KCTD16: variants seen among roughly 807,000 people sequenced by gnomAD.
KCTD16 encodes potassium channel tetramerization domain containing 16.
Under a neutral mutation model 33.2 loss-of-function variants are expected in KCTD16, and 13 were observed. The observed-to-expected ratio is 0.39, with a 90% CI of 0.25 to 0.62. The LOEUF is 0.62. Ranked by LOEUF, KCTD16 falls within the 20% of genes least tolerant of loss-of-function variation. KCTD16 has a pLI of 0.50. For synonymous variants in KCTD16, 197 were observed against 195.3 expected (o/e 1.01, Z -0.07); for missense variants, 441 against 525.1 (o/e 0.84, Z 1.57).
At chr5:144,386,953 G>A (rs1752337034) in intron 3 of KCTD16, among the ~76,000 whole-genome samples, 1 of 151,798 alleles carries the variant, frequency 6.6e-6, no homozygotes, top group Admixed American at 6.6e-5. Flanking sequence ...TACATCTGTA[G>A]AGCCCTTTAC....
At chr5:144,238,632 G>C (rs1754318677) in intron 3 of KCTD16, among the ~76,000 whole-genome samples, 1 of 152,072 alleles carries the variant, frequency 6.6e-6, no homozygotes, top group South Asian at 2.1e-4. Flanking sequence ...TTTCAGTGTA[G>C]GCTTTGCTCC....
rs987338871 is a variant in KCTD16, at chr5:144,291,298, C to A, written c.832+83752C>A. 5.3e-5 allele frequency among the ~76,000 whole-genome samples: 8 copies of A among 152,284 alleles called. No homozygotes were observed. In the South Asian group the frequency reaches 1.5e-3, roughly 28 times the overall value. On this transcript the variant is annotated intron_variant, in intron 3 of 3. Coordinates refer to ENST00000512467, the MANE Select transcript of KCTD16 (RefSeq NM_020768.4). ...AAAGCACTCTAAATTCTTACCATGCCATTATCAGTTACCTCCATACTGGTA... is the reference window on the plus strand; with the variant it reads ...AAAGCACTCTAAATTCTTACCATGCAATTATCAGTTACCTCCATACTGGTA...
chr5:144,340,878 C>T (rs1392666429), intron 3 of KCTD16, among the ~76,000 whole-genome samples: 11 of 151,864 alleles, frequency 7.2e-5, no homozygotes, highest in African/African-American at 2.2e-4. Flanking sequence ...GGTGAAACCC[C>T]GTCTCTACTA....
chr5:144,323,705 A>G (rs545784571), intron 3 of KCTD16, among the ~76,000 whole-genome samples: 24 of 152,280 alleles, frequency 1.6e-4, no homozygotes, highest in Admixed American at 5.2e-4. Context: ...TCTGCTCCCC[A>G]TAGTTGGAGG....
At chr5:144,310,692 G>T (rs1159228632) in intron 3 of KCTD16, among the ~76,000 whole-genome samples, 1 of 151,874 alleles carries the variant, frequency 6.6e-6, no homozygotes, top group African/African-American at 2.4e-5. Context: ...CAAACATACA[G>T]AGCTGTTCTA....
chr5:144,204,409 T>C (rs1310198546), intron 2 of KCTD16, among the ~76,000 whole-genome samples: 1 of 152,188 alleles, frequency 6.6e-6, no homozygotes, highest in Non-Finnish European at 1.5e-5. Flanking sequence ...CATTATTGAC[T>C]GTCAGGCTCA....
intron 3 of KCTD16, among the ~76,000 whole-genome samples, chr5:144,321,216 T>C (rs1732630515): frequency 6.6e-6 from 1 of 150,842 alleles, no homozygotes; most frequent in African/African-American, 2.5e-5. Context: ...GATCTCATCA[T>C]TAATTATTAA....
In KCTD16 at chr5:144,285,942, T is replaced by A. The variant is rs1358985507; in HGVS notation, c.832+78396T>A. Among the ~76,000 whole-genome samples, 3 of 151,536 alleles carry A rather than the reference T, an allele frequency of 2.0e-5. No individual in the cohort carries two copies. In the East Asian group the frequency reaches 5.8e-4, roughly 29 times the overall value. ...CTGAGTCTTTGAAAAATGTGTGATT[T>A]TAATGGCTGCCATCCTAATCTTTTT... is the stretch of plus-strand genomic sequence containing the variant. On this transcript the variant is annotated intron_variant, in intron 3 of 3. Transcript: ENST00000512467.
chr5:144,175,874 G>C (rs1752495947), intron 2 of KCTD16, among the ~76,000 whole-genome samples: 1 of 152,152 alleles, frequency 6.6e-6, no homozygotes, highest in African/African-American at 2.4e-5. Context: ...ATTTCTTCAG[G>C]AAAAATTGTC....
chr5:144,296,439 C>G (rs1756039074), intron 3 of KCTD16, among the ~76,000 whole-genome samples: 1 of 152,218 alleles, frequency 6.6e-6, no homozygotes, highest in Non-Finnish European at 1.5e-5. Context: ...TCAAGACTTT[C>G]TCCCATGTTC....
In KCTD16 at chr5:144,473,692, G is replaced by T; in HGVS notation, c.865G>T (p.Asp289Tyr). The T allele has an allele frequency of 6.2e-7, 1 of 1,608,096 alleles. No individual in the cohort carries two copies. Residue 289 changes from aspartate (D) to tyrosine (Y), a missense_variant, in exon 4 of 4, where the codon GAT becomes TAT. Coordinates refer to ENST00000512467, the MANE Select transcript of KCTD16 (RefSeq NM_020768.4). ...EPSRWSPSHC[D>Y]CCCKNGKGDK... ...TTCCAGATGGTCACCCTCACACTGC[G>T]ATTGCTGCTGCAAGAATGGCAAAGG...
At chr5:144,473,524 G>A in intron 3 of KCTD16, 136 bp from the exon 4 acceptor site, 1 of 859,046 alleles carries the variant, frequency 1.2e-6, no homozygotes, top group Non-Finnish European at 1.8e-6. Flanking sequence ...CACCCTGGGT[G>A]CCACCCCACT....
At chr5:144,342,399 C>G (rs376800857) in intron 3 of KCTD16, among the ~76,000 whole-genome samples, 11 of 152,032 alleles carry the variant, frequency 7.2e-5, no homozygotes, top group Non-Finnish European at 1.5e-4. Flanking sequence ...TGTATAAGAA[C>G]GCTTGTGATT....
rs995511576 is a variant in KCTD16, at chr5:144,344,810, A to T, written c.833-128850A>T. 5.4e-3 allele frequency among the ~76,000 whole-genome samples: 816 copies of T among 150,350 alleles called. 14 individuals are homozygous for T. The highest frequency in any genetic ancestry group is 0.019 in the African/African-American group (764 of 41,060). On this transcript the variant is annotated intron_variant, in intron 3 of 3. Coordinates refer to ENST00000512467, the MANE Select transcript of KCTD16 (RefSeq NM_020768.4). ...AAGTCAGTGTGGCGATTCCTCAGGG[A>T]TCTAGAACTAGAAATACCATTTGAC... is the stretch of plus-strand genomic sequence containing the variant.
At chr5:144,223,308 A>G (rs1341098774) in intron 3 of KCTD16, among the ~76,000 whole-genome samples, 1 of 152,086 alleles carries the variant, frequency 6.6e-6, no homozygotes. Flanking sequence ...TAATATATGT[A>G]TAAAAAAGTA....
Position 144,172,151 on chromosome 5 carries a change from C to T in KCTD16, c.-493+1142C>T, listed in dbSNP as rs80061549. ...TAAAACAAACAGAAAACGCACTCCC[C>T]TCCAAACAAAAATAGCAACAACAAA... is the stretch of plus-strand genomic sequence containing the variant. On this transcript the variant is annotated intron_variant, in intron 1 of 3. Transcript: ENST00000512467. Among the ~76,000 whole-genome samples the T allele has an allele frequency of 5.9e-4, 89 of 150,144 alleles. 1 individual carries two copies. In the East Asian group the frequency reaches 0.015, roughly 25 times the overall value.
intron 3 of KCTD16, among the ~76,000 whole-genome samples, chr5:144,445,569 T>A (rs113386021): frequency 3.1e-4 from 47 of 152,068 alleles, no homozygotes; most frequent in African/African-American, 1.0e-3. Flanking sequence ...TGTTGTTTAT[T>A]TATATGTGAT....
At chr5:144,334,275 A>G (rs2126893490) in intron 3 of KCTD16, among the ~76,000 whole-genome samples, 1 of 152,306 alleles carries the variant, frequency 6.6e-6, no homozygotes, top group African/African-American at 2.4e-5. Flanking sequence ...CACATAAAGG[A>G]TGGTGTCCTG....
In KCTD16 at chr5:144,233,667, G is replaced by T. The variant is rs978339667; in HGVS notation, c.832+26121G>T. Among the ~76,000 whole-genome samples the T allele has an allele frequency of 4.6e-5, 7 of 152,094 alleles. No individual in the cohort carries two copies. In the South Asian group the frequency reaches 1.0e-3, roughly 23 times the overall value. ...TATTACATTATTTGCACTTTAAATG[G>T]AATCCATTGTTAGAGTTTGGTTTTT... On this transcript the variant is annotated intron_variant, in intron 3 of 3. Coordinates refer to ENST00000512467, the MANE Select transcript of KCTD16 (RefSeq NM_020768.4).
Sources: gnomAD v4.1 joint callset for allele counts (sites outside exome capture counted in the v4.1 genomes callset) on GRCh38, gnomAD v4.1.1 for gene constraint, MANE v1.5 for transcripts, NCBI Gene and HGNC (gene_info 2026-07-23, HGNC 2026-07-21) for gene names.